NOMO1: variants seen among roughly 807,000 people sequenced by gnomAD.
NOMO1 encodes nodal modulator 3.
NOMO1 carries 40 observed loss-of-function variants against 133.8 expected under a neutral mutation model. That is an observed-to-expected ratio of 0.30 (90% CI 0.23 to 0.39). The LOEUF (loss-of-function observed/expected upper bound fraction) is 0.39. Among genes scored for constraint, NOMO1 ranks in the 10% least tolerant of loss-of-function variants. The pLI, the probability that NOMO1 is intolerant of heterozygous loss-of-function variation, is 1.00. For synonymous variants in NOMO1, 236 were observed against 570.5 expected, an observed-to-expected ratio of 0.41 and a Z score of 8.36; for missense variants, 462 against 1,419.9, an observed-to-expected ratio of 0.33 and a Z score of 10.84.
intron 11 of NOMO1, among the ~76,000 whole-genome samples, chr16:14,859,790 T>G (rs1169474579): frequency 6.6e-6 from 1 of 152,084 alleles, no homozygotes; most frequent in Non-Finnish European, 1.5e-5. Context: ...ATGGCAAGTG[T>G]TGTGCAGAGA....
At chr16:14,839,216 A>G (rs2151891837) in intron 2 of NOMO1, among the ~76,000 whole-genome samples, 1 of 151,824 alleles carries the variant, frequency 6.6e-6, no homozygotes, top group Middle Eastern at 3.4e-3. Flanking sequence ...CACTACACCC[A>G]GCTAATGTTT....
intron 1 of NOMO1, among the ~76,000 whole-genome samples, chr16:14,836,948 A>G (rs1023337949): frequency 6.9e-6 from 1 of 145,008 alleles, no homozygotes; most frequent in Middle Eastern, 3.6e-3. Context: ...CTCATGATCC[A>G]CCCGCCTCGG....
At chr16:14,837,420 A>G (rs1414740972) in intron 1 of NOMO1, among the ~76,000 whole-genome samples, 1 of 152,096 alleles carries the variant, frequency 6.6e-6, no homozygotes, top group African/African-American at 2.4e-5. Context: ...ATCTGAAGAA[A>G]CCGAACACGA....
chr16:14,889,576 G>GGT (rs1434493474), intron 29 of NOMO1, among the ~76,000 whole-genome samples: 1 of 151,814 alleles, frequency 6.6e-6, no homozygotes, highest in Non-Finnish European at 1.5e-5. Flanking sequence ...CAATCCATGG[G>GGT]GTGGCGAAAG....
chr16:14,878,551 A>G (rs1052484325), intron 22 of NOMO1, among the ~76,000 whole-genome samples, 170 bp from the exon 23 acceptor site: 2 of 150,974 alleles, frequency 1.3e-5, no homozygotes, highest in Non-Finnish European at 3.0e-5. Flanking sequence ...CAAACTTACA[A>G]AACTTACAAC....
intron 9 of NOMO1, among the ~76,000 whole-genome samples, chr16:14,856,058 G>T (rs1171309045): frequency 6.6e-6 from 1 of 152,054 alleles, no homozygotes; most frequent in Non-Finnish European, 1.5e-5. Context: ...CATCTCAAAT[G>T]CTGTTGCACA....
rs1223789471 is a variant in NOMO1 at position 14,882,754 on chromosome 16, G to C, written c.3111+77G>C. 1.9e-6 allele frequency: 3 copies of C among 1,609,366 alleles called. No individual in the cohort carries two copies. In the East Asian group the frequency reaches 6.7e-5, roughly 36 times the overall value. ...AGAAGTCCTCCCGTCTCCTCTGGCT[G>C]TCTGCCTTTCATCTGTGGCGGGGGG... On this transcript the variant is annotated intron_variant, in intron 26 of 30. Coordinates refer to ENST00000287667, the MANE Select transcript of NOMO1 (RefSeq NM_014287.4).
chr16:14,839,042 G>T (rs4781630), intron 2 of NOMO1, among the ~76,000 whole-genome samples: 1 of 151,528 alleles, frequency 6.6e-6, no homozygotes, highest in African/African-American at 2.4e-5. Flanking sequence ...CTGATAAAGG[G>T]TTTTTTTGTT....
rs1964056198 is a variant in NOMO1 at position 14,869,787 on chromosome 16, AGTTTAT to A, written c.1894+1158_1894+1163del. Among the ~76,000 whole-genome samples, 2 of 151,462 alleles carry A rather than the reference AGTTTAT, an allele frequency of 1.3e-5. 1 individual carries two copies. The highest frequency in any genetic ancestry group is 4.2e-4 in the South Asian group (2 of 4,790). ...AATGGAATTGCTGCATTGTGTGATA[AGTTTAT>A]GTTTAACCTTTTAAGAAACTGTCAA... On this transcript the variant is annotated intron_variant, in intron 16 of 30. Transcript: ENST00000287667.
chr16:14,836,440 T>G (rs1339303032), intron 1 of NOMO1, among the ~76,000 whole-genome samples: 13 of 152,228 alleles, frequency 8.5e-5, no homozygotes, highest in African/African-American at 3.1e-4. Flanking sequence ...ATTCGACTGT[T>G]TCATTGCAGC....
chr16:14,868,835 T>A (rs908438557), intron 16 of NOMO1, among the ~76,000 whole-genome samples, 200 bp downstream of exon 16: 1 of 151,314 alleles, frequency 6.6e-6, no homozygotes, highest in Admixed American at 6.6e-5. Context: ...TCCAAAAATA[T>A]ACCATTGGCC....
intron 29 of NOMO1, among the ~76,000 whole-genome samples, chr16:14,894,194 G>T (rs1964446373): frequency 6.6e-6 from 1 of 151,896 alleles, no homozygotes; most frequent in African/African-American, 2.4e-5. Flanking sequence ...GAGATAGTCT[G>T]GTAGCTCCAA....
chr16:14,869,024 C>T (rs1383583496), intron 16 of NOMO1, among the ~76,000 whole-genome samples: 4 of 151,804 alleles, frequency 2.6e-5, no homozygotes, highest in Non-Finnish European at 5.9e-5. Context: ...CTGCAGCCTC[C>T]GCCTCCTGGG....
Position 14,886,813 on chromosome 16 carries a change from T to C in NOMO1, c.3275T>C (p.Leu1092Pro), listed in dbSNP as rs764308089. Residue 1092 changes from leucine to proline, a missense_variant, in exon 28 of 31, where the codon CTT becomes CCT. Coordinates refer to ENST00000287667, the MANE Select transcript of NOMO1 (RefSeq NM_014287.4). ...GACAATCCAATCCAGACAGTTTCCC[T>C]TGGCCAGTCCCTGTTCTTCCATTTC... ...NLDNPIQTVS[L>P]GQSLFFHFPP... The C allele has an allele frequency of 3.1e-6, 5 of 1,611,650 alleles. No homozygotes were observed. In the South Asian group the frequency reaches 4.4e-5, roughly 14 times the overall value.
chr16:14,872,036 T>C (rs1487276004), intron 17 of NOMO1, among the ~76,000 whole-genome samples, 198 bp from the exon 18 acceptor site: 1 of 152,018 alleles, frequency 6.6e-6, no homozygotes, highest in Non-Finnish European at 1.5e-5. Flanking sequence ...TCACTGGGAA[T>C]TGGAAGCATA....
chr16:14,894,214 G>C (rs1366724611), intron 29 of NOMO1, among the ~76,000 whole-genome samples: 1 of 151,976 alleles, frequency 6.6e-6, no homozygotes, highest in Non-Finnish European at 1.5e-5. Context: ...AGGCGTCAGG[G>C]GACCCAGGCC....
At chr16:14,868,964 A>G (rs1199647034) in intron 16 of NOMO1, among the ~76,000 whole-genome samples, 2 of 142,976 alleles carry the variant, frequency 1.4e-5, no homozygotes, top group Non-Finnish European at 3.0e-5. Flanking sequence ...TTTGAGATGG[A>G]GTCTTGCTCT....
At position 14,889,276 on chromosome 16, in the gene NOMO1, A is replaced by T. The variant is rs184742794; in HGVS notation, c.3444+61A>T. 8.6e-4 allele frequency: 1,391 copies of T among 1,611,486 alleles called. 13 individuals are homozygous for T. The African/African-American group carries it at 9.0e-3, about 10-fold the overall frequency. ...GCTGGGTTTGGTGGCTCACGCCTGTAATCCCAGCACTTTGGGAGGCCAAGG... is the reference window on the plus strand; with the variant it reads ...GCTGGGTTTGGTGGCTCACGCCTGTTATCCCAGCACTTTGGGAGGCCAAGG... On this transcript the variant is annotated intron_variant, in intron 29 of 30. Coordinates refer to ENST00000287667, the MANE Select transcript of NOMO1 (RefSeq NM_014287.4).
Position 14,843,007 on chromosome 16 carries a change from G to A in NOMO1, c.301+1600G>A, listed in dbSNP as rs370790871. Among the ~76,000 whole-genome samples, 12 of 140,942 alleles carry A rather than the reference G, an allele frequency of 8.5e-5. No individual in the cohort carries two copies. In the East Asian group the frequency reaches 2.0e-3, roughly 24 times the overall value. The allele number at this position is 140,942 out of a possible 152,430, so 92.5% of individuals were successfully genotyped here. A position where few individuals can be genotyped will look rare whatever the true frequency, so the allele number is the denominator to read the frequency against. ...GTGATCTCAGTTCACTGCAACTTCT[G>A]CCCGGGTTCAAGCAATTCTTGTGCC... On this transcript the variant is annotated intron_variant, in intron 3 of 30. Coordinates refer to ENST00000287667, the MANE Select transcript of NOMO1 (RefSeq NM_014287.4).
Sources: allele counts gnomAD v4.1 joint callset (sites outside exome capture counted in the v4.1 genomes callset), GRCh38; gene constraint gnomAD v4.1.1; transcripts MANE v1.5; gene names NCBI Gene and HGNC (gene_info 2026-07-23, HGNC 2026-07-21).